DHX8: variants seen among roughly 807,000 people sequenced by gnomAD.
The protein encoded by DHX8 is ATP-dependent RNA helicase DHX8.
DHX8 carries 67 observed loss-of-function variants against 140.7 expected under a neutral mutation model. That is an observed-to-expected ratio of 0.48 (90% CI 0.39 to 0.58). The LOEUF (loss-of-function observed/expected upper bound fraction) is 0.58. DHX8 is among the 20% of genes least tolerant of loss of function. DHX8 has a pLI of 0.00. For synonymous variants in DHX8, 533 were observed against 553.2 expected (o/e 0.96, Z 0.51); for missense variants, 887 against 1,550.7 (o/e 0.57, Z 7.19).
rs1250014959 is a variant in DHX8, at chr17:43,507,098, T to C, written c.1824T>C (p.Thr608=). 6.2e-7 allele frequency: 1 copy of C among 1,614,106 alleles called. No homozygotes were observed. Among genetic ancestry groups the C allele is most frequent in the Admixed American group, 1.7e-5 (1 of 59,994 alleles). The change falls in exon 13 of 23, where the codon ACT becomes ACC. Residue 608 remains threonine, a synonymous_variant. Transcript: ENST00000262415. ...AGTACCTGGCGGAGGCAGGCTACAC[T>C]TCCAGGGGCAAGATTGGGTGTACCC... The part of the protein sequence containing the change: ...ITQYLAEAGY[T]SRGKIGCTQP...
chr17:43,539,309 C>T (rs1470085696), intron 3 of DHX8, among the ~76,000 whole-genome samples: 1 of 152,128 alleles, frequency 6.6e-6, no homozygotes, highest in Non-Finnish European at 1.5e-5. Flanking sequence ...TGCTTTCTTG[C>T]CTTTTTCTTT....
At chr17:43,492,322 G>T (rs369979423) in intron 5 of DHX8, 30 bp downstream of exon 5, 23 of 1,578,698 alleles carry the variant, frequency 1.5e-5, no homozygotes, top group South Asian at 1.5e-4. Context: ...TCCTTTGGAA[G>T]TTTAGGGTAC....
In DHX8 at chr17:43,521,497, C is replaced by T. The variant is rs374590555; in HGVS notation, c.3195C>T (p.Asn1065=). The T allele has an allele frequency of 1.1e-4, 173 of 1,613,792 alleles. 5 individuals carry two copies. In the Middle Eastern group the frequency reaches 1.6e-3, roughly 15 times the overall value. ...TCTCCAACCCATGGTGCTATGAGAA[C>T]TTTATCCAGGCTCGTTCCCTGCGCC... is the stretch of plus-strand genomic sequence containing the variant. ...NKFSNPWCYE[N]FIQARSLRRA... is the part of the protein sequence containing the mutation. Residue 1065 remains asparagine (N), a synonymous_variant, in exon 21 of 23, where the codon AAC becomes AAT. Coordinates refer to ENST00000262415, the MANE Select transcript of DHX8 (RefSeq NM_004941.3).
rs761053111 is a variant in DHX8, at chr17:43,520,834, C to T, written c.3021C>T (p.Thr1007=). The change falls in exon 20 of 23, where the codon ACC becomes ACT. Residue 1007 remains threonine (T), a synonymous_variant. Transcript: ENST00000262415. ...VHLGCSEEML[T]IVSMLSVQNV... ...TGGGCTGCAGTGAGGAAATGCTGAC[C>T]ATTGTATCCATGCTGTCTGTGCAGA... The T allele has an allele frequency of 5.0e-6, 8 of 1,614,086 alleles. No homozygotes were observed. The highest frequency in any genetic ancestry group is 6.8e-6 in the Non-Finnish European group (8 of 1,180,012).
At chr17:43,517,038 A>G (rs1970149658) in intron 17 of DHX8, 129 bp from the exon 18 acceptor site, 2 of 981,536 alleles carry the variant, frequency 2.0e-6, no homozygotes, top group Non-Finnish European at 2.9e-6. Context: ...AATGGTCCCA[A>G]AGGAAGTGAA....
downstream of DHX8, chr17:43,526,601 A>G: frequency 6.5e-7 from 1 of 1,535,636 alleles, no homozygotes; most frequent in African/African-American, 1.4e-5. Context: ...CTTGTTAATG[A>G]ACAGTTCAGA....
chr17:43,530,084 C>G (rs1970825506), downstream of DHX8: 1 of 1,607,932 alleles, frequency 6.2e-7, no homozygotes, highest in African/African-American at 1.3e-5. Flanking sequence ...GAGGGCTTGG[C>G]AGGGGAAGGG....
downstream of DHX8, among the ~76,000 whole-genome samples, chr17:43,531,229 TA>T (rs1970917331): frequency 6.6e-6 from 1 of 152,306 alleles, no homozygotes; most frequent in South Asian, 2.1e-4. Context: ...CCTACTCTAA[TA>T]AACTCAGATC....
At chr17:43,492,602 C>G (rs1267617839) in intron 5 of DHX8, 79 bp from the exon 6 acceptor site, 3 of 817,942 alleles carry the variant, frequency 3.7e-6, no homozygotes, top group Non-Finnish European at 6.1e-6. Context: ...ATGTGCATGG[C>G]ACTGTACTGG....
intron 12 of DHX8, among the ~76,000 whole-genome samples, chr17:43,505,304 G>T (rs1969426739): frequency 1.3e-5 from 2 of 152,130 alleles, no homozygotes; most frequent in Admixed American, 1.3e-4. Flanking sequence ...AGCTACTCTG[G>T]AGTCTGAGGC....
At chr17:43,508,115 A>G (rs1969594456) in intron 15 of DHX8, 96 bp downstream of exon 15, 1 of 1,285,154 alleles carries the variant, frequency 7.8e-7, no homozygotes, top group African/African-American at 1.5e-5. Flanking sequence ...AATCTTTTTA[A>G]AAACAACTTC....
chr17:43,531,683 A>T (rs548215033), downstream of DHX8, among the ~76,000 whole-genome samples: 1 of 152,334 alleles, frequency 6.6e-6, no homozygotes, highest in African/African-American at 2.4e-5. Flanking sequence ...ACAAACAAAC[A>T]GAGCAAGACT....
chr17:43,527,954 G>A (rs1449490492), downstream of DHX8: 1 of 233,406 alleles, frequency 4.3e-6, no homozygotes, highest in Non-Finnish European at 8.5e-6. Context: ...GGGTCCCTTG[G>A]AGCAGGAACC....
chr17:43,484,653 CTT>C (rs912614451), intron 1 of DHX8, among the ~76,000 whole-genome samples: 4 of 152,118 alleles, frequency 2.6e-5, no homozygotes, highest in African/African-American at 7.2e-5. Flanking sequence ...ATCCTGTACT[CTT>C]TTTTGAGGCA....
downstream of DHX8, chr17:43,526,438 G>A: frequency 4.6e-6 from 7 of 1,533,226 alleles, no homozygotes; most frequent in Non-Finnish European, 6.1e-6. Flanking sequence ...AGGCTCCTCG[G>A]TCCAGGTTTA....
At chr17:43,485,956 G>A (rs1249909712) in intron 1 of DHX8, among the ~76,000 whole-genome samples, 1 of 152,144 alleles carries the variant, frequency 6.6e-6, no homozygotes, top group Non-Finnish European at 1.5e-5. Flanking sequence ...CAGCACTTTG[G>A]AAGGCCAAGA....
Position 43,484,173 on chromosome 17 carries a change from G to T in DHX8, c.136G>T (p.Asp46Tyr). Residue 46 changes from aspartate to tyrosine, a missense_variant, in exon 1 of 23, where the codon GAC becomes TAC. By Grantham distance (160) the Asp-to-Tyr change is radical (BLOSUM62 -3). Coordinates refer to ENST00000262415, the MANE Select transcript of DHX8 (RefSeq NM_004941.3). Reference protein sequence around the residue: ...TELDNHLGINDKDLAEFVISL... With the variant: ...TELDNHLGINYKDLAEFVISL... ...GCTGGACAATCACTTGGGGATCAAC[G>T]ACAAGGACCTTGGTGAGCTCGGGGA... is the stretch of plus-strand genomic sequence containing the variant. 2 of 1,614,034 alleles carry T rather than the reference G, an allele frequency of 1.2e-6. No homozygotes were observed. The highest frequency in any genetic ancestry group is 2.2e-5 in the South Asian group (2 of 91,064).
At chr17:43,499,888 G>A (rs1969084556) in intron 10 of DHX8, 68 bp from the exon 11 acceptor site, 1 of 1,552,630 alleles carries the variant, frequency 6.4e-7, no homozygotes, top group African/African-American at 1.4e-5. Context: ...TTAGATTACA[G>A]GAGCTTAACT....
At chr17:43,528,532 C>T (rs775012630), downstream of DHX8, 2 of 1,608,668 alleles carry the variant, frequency 1.2e-6, no homozygotes, top group South Asian at 1.1e-5. Context: ...GTAAGAGTAG[C>T]CACCCTTGGG....
Sources: allele counts gnomAD v4.1 joint callset (sites outside exome capture counted in the v4.1 genomes callset), GRCh38; gene constraint gnomAD v4.1.1; transcripts MANE v1.5; gene names NCBI Gene and HGNC (gene_info 2026-07-23, HGNC 2026-07-21).